Variants in POM121 observed in about 807,000 individuals in gnomAD.
POM121 encodes nuclear envelope pore membrane protein POM 121.
In POM121, 32 loss-of-function variants were observed where a neutral mutation model predicts 81.3. The ratio of observed to expected loss-of-function variants is 0.39; its 90% CI spans 0.30 to 0.53. POM121 has a LOEUF of 0.53. Ranked by LOEUF, POM121 falls within the 20% of genes least tolerant of loss-of-function variation. POM121 has a pLI of 0.66. For synonymous variants in POM121, 514 were observed against 694.2 expected, an observed-to-expected ratio of 0.74 and a Z score of 4.08; for missense variants, 1,138 against 1,614.6, an observed-to-expected ratio of 0.70 and a Z score of 5.06.
chr7:72,927,080 C>T, intron 3 of POM121, 117 bp downstream of exon 3: 1 of 1,520,296 alleles, frequency 6.6e-7, no homozygotes, highest in East Asian at 2.3e-5. Flanking sequence ...TTCGTAGGCC[C>T]CCTTCTTTGG....
intron 1 of POM121, among the ~76,000 whole-genome samples, chr7:72,887,929 G>A (rs1394459329): frequency 2.0e-5 from 3 of 152,202 alleles, no homozygotes; most frequent in Non-Finnish European, 4.4e-5. Flanking sequence ...TTTCTTTGGT[G>A]TGTGCTGTTT....
chr7:72,921,532 G>A (rs782602604), upstream of POM121, among the ~76,000 whole-genome samples: 1 of 152,208 alleles, frequency 6.6e-6, no homozygotes, highest in Non-Finnish European at 1.5e-5. Flanking sequence ...CCCAGGTAGA[G>A]GAACTAGGTG....
At chr7:72,926,056 C>A (rs1795411578) in intron 1 of POM121, among the ~76,000 whole-genome samples, 1 of 152,058 alleles carries the variant, frequency 6.6e-6, no homozygotes. Flanking sequence ...TGTTGAAATC[C>A]ATTGTTGAGA....
intron 4 of POM121, among the ~76,000 whole-genome samples, chr7:72,928,868 T>A (rs1795739006): frequency 6.6e-6 from 1 of 152,172 alleles, no homozygotes; most frequent in South Asian, 2.1e-4. Flanking sequence ...TGGAAAGACT[T>A]AGGATACCTT....
At chr7:72,944,410 TA>T (rs1376979708) in intron 11 of POM121, among the ~76,000 whole-genome samples, 44 of 151,562 alleles carry the variant, frequency 2.9e-4, no homozygotes, top group Non-Finnish European at 5.0e-4. Flanking sequence ...ATAAAGTGTA[TA>T]AAAAAAGGGG....
chr7:72,900,853 T>C (rs1418212208), intron 3 of POM121, among the ~76,000 whole-genome samples: 2 of 152,092 alleles, frequency 1.3e-5, no homozygotes, highest in African/African-American at 4.8e-5. Context: ...TTGTGGTTAT[T>C]TTGCTCTTTT....
chr7:72,899,200 G>A (rs1391184281), intron 3 of POM121, among the ~76,000 whole-genome samples: 1 of 151,972 alleles, frequency 6.6e-6, no homozygotes, highest in Admixed American at 6.6e-5. Context: ...GGTCAGGCTG[G>A]TCTCAAACTC....
At chr7:72,880,302 C>T (rs1277455032) in intron 1 of POM121, among the ~76,000 whole-genome samples, 1 of 152,148 alleles carries the variant, frequency 6.6e-6, no homozygotes, top group African/African-American at 2.4e-5. Flanking sequence ...TCTGCTGCTG[C>T]CTCAGTTGCT....
intron 7 of POM121, 102 bp downstream of exon 7, chr7:72,939,511 A>G (rs535592210): frequency 1.3e-5 from 20 of 1,495,504 alleles, no homozygotes; most frequent in African/African-American, 4.2e-5. Flanking sequence ...GAGCATTGCT[A>G]TGTCTAAGGC....
At position 72,947,853 on chromosome 7, in the gene POM121, C is replaced by G; in HGVS notation, c.*1619C>G. ...GTAAATGTAACTGGTGCCCCCTCCC[C>G]GATGTGACTGAGGGTGAGTGAGTGG... On this transcript the variant is annotated 3_prime_UTR_variant, in exon 13 of 13. Coordinates refer to ENST00000434423, the MANE Select transcript of POM121 (RefSeq NM_001387691.1). 1.0e-6 allele frequency: 1 copy of G among 988,864 alleles called. No homozygotes were observed. Among genetic ancestry groups the G allele is most frequent in the Middle Eastern group, 5.2e-4 (1 of 1,918 alleles). The allele number at this position is 988,864 out of a possible 1,614,324, so 61.3% of individuals were successfully genotyped here.
At chr7:72,950,203 G>C (rs1797966297), downstream of POM121, 4 of 1,608,738 alleles carry the variant, frequency 2.5e-6, no homozygotes, top group Admixed American at 6.7e-5. Context: ...GAGGCTGCCA[G>C]GGAAGAACCA....
At position 72,926,804 on chromosome 7, in the gene POM121, C is replaced by T; in HGVS notation, c.863C>T (p.Pro288Leu). Residue 288 changes from proline to leucine, a missense_variant and splice_region_variant, in exon 3 of 13, where the codon CCA (proline) becomes CTA (leucine). Around this residue, in one of 7 missense-constraint regions of POM121, gnomAD observed 646 missense variants for 633.5 expected, o/e 1.02. Transcript: ENST00000434423. The part of the protein sequence containing the change: ...PDRRFSRSAI[P>L]EQIISSTLSS... ...TAGAATCTTGTCTTTCATTGTAGACCAGAGCAGATAATCAGCTCAACACTG... is the reference window on the plus strand; with the variant it reads ...TAGAATCTTGTCTTTCATTGTAGACTAGAGCAGATAATCAGCTCAACACTG... 1 of 1,613,682 alleles carries T rather than the reference C, an allele frequency of 6.2e-7. No individual in the cohort carries two copies. The highest frequency in any genetic ancestry group is 8.5e-7 in the Non-Finnish European group (1 of 1,179,742).
At position 72,945,748 on chromosome 7, in the gene POM121, G is replaced by C. The variant is rs782085852; in HGVS notation, c.3652+40G>C. ...ACCCTGTGGCCCTGCTCATCTGTCT[G>C]AGGAGGGGTTGGGCGGGGTGGCAGG... On this transcript the variant is annotated intron_variant, in intron 12 of 12. Coordinates refer to ENST00000434423, the MANE Select transcript of POM121 (RefSeq NM_001387691.1). The C allele has an allele frequency of 1.3e-5, 21 of 1,595,694 alleles. No individual in the cohort carries two copies. The African/African-American group carries it at 2.6e-4, about 19-fold the overall frequency.
chr7:72,910,983 G>GTATT (rs1268127134), intron 3 of POM121, among the ~76,000 whole-genome samples: 5 of 152,258 alleles, frequency 3.3e-5, no homozygotes, highest in Admixed American at 2.6e-4. Context: ...GTTGCTTCAT[G>GTATT]TATTTATTTA....
Position 72,942,827 on chromosome 7 carries a change from C to A in POM121, c.2834C>A (p.Thr945Asn). ...ACTCTGACGTTCAGTAACACGAGCA[C>A]CCCCACGTTCAACATTCCCTTTGGC... Reference protein sequence around the residue: ...QPTLTFSNTSTPTFNIPFGSS... With the variant: ...QPTLTFSNTSNPTFNIPFGSS... Residue 945 changes from threonine (T) to asparagine (N), a missense_variant, in exon 11 of 13, where the codon ACC (threonine) becomes AAC (asparagine). Coordinates refer to ENST00000434423, the MANE Select transcript of POM121 (RefSeq NM_001387691.1). 1 of 1,551,404 alleles carries A rather than the reference C, an allele frequency of 6.4e-7. No individual in the cohort carries two copies. The highest frequency in any genetic ancestry group is 1.2e-5 in the South Asian group (1 of 82,762).
chr7:72,918,304 G>A (rs1392267381), intron 4 of POM121, among the ~76,000 whole-genome samples: 3 of 151,978 alleles, frequency 2.0e-5, no homozygotes, highest in Non-Finnish European at 4.4e-5. Flanking sequence ...GACACTTTTC[G>A]GTACCGCTAG....
At chr7:72,924,097 C>G (rs1254321768), upstream of POM121, among the ~76,000 whole-genome samples, 1 of 151,448 alleles carries the variant, frequency 6.6e-6, no homozygotes, top group Non-Finnish European at 1.5e-5. Context: ...AGGCGGCACG[C>G]CCGGCTAAGT....
At chr7:72,935,933 T>C (rs1586169906) in intron 5 of POM121, among the ~76,000 whole-genome samples, 2 of 152,132 alleles carry the variant, frequency 1.3e-5, no homozygotes, top group East Asian at 3.9e-4. Context: ...TTTTAGTACA[T>C]ACACTCAGGT....
intron 3 of POM121, among the ~76,000 whole-genome samples, chr7:72,891,289 T>C (rs1467748318): frequency 2.6e-5 from 4 of 152,130 alleles, no homozygotes; most frequent in African/African-American, 9.7e-5. Context: ...TTTACATTGG[T>C]AGGGATTTTT....
Sources: allele counts gnomAD v4.1 joint callset (sites outside exome capture counted in the v4.1 genomes callset), GRCh38; gene constraint gnomAD v4.1.1; regional missense constraint gnomAD v4.1.1; transcripts MANE v1.5; gene names NCBI Gene and HGNC (gene_info 2026-07-23, HGNC 2026-07-21).